Variants in CCSER1 observed in about 807,000 individuals in gnomAD.
The protein encoded by CCSER1 is coiled-coil serine rich protein 1, also known as serine-rich coiled-coil domain-containing protein 1.
A neutral mutation model predicts 82.0 loss-of-function variants in CCSER1; 41 were observed. That is an observed-to-expected ratio of 0.50 (90% CI 0.39 to 0.65). The LOEUF (loss-of-function observed/expected upper bound fraction) is 0.65. CCSER1 is among the 30% of genes least tolerant of loss of function. CCSER1 has a pLI of 0.00. For missense variants in CCSER1, 1,119 were observed against 1,064.2 expected (o/e 1.05, Z -0.72); for synonymous variants, 414 against 383.9 (o/e 1.08, Z -0.92).
chr4:91,086,121 T>C, intron 10 of CCSER1, 127 bp downstream of exon 10: 1 of 645,074 alleles, frequency 1.6e-6, no homozygotes, highest in Non-Finnish European at 2.8e-6. Flanking sequence ...GAAGAGAATG[T>C]TGTCTGCATA....
intron 8 of CCSER1, among the ~76,000 whole-genome samples, chr4:90,899,305 G>A (rs927972229): frequency 2.6e-5 from 4 of 151,962 alleles, no homozygotes; most frequent in African/African-American, 9.7e-5. Context: ...ATTAATTTAT[G>A]TCCTGCAACT....
chr4:90,579,531 C>T (rs1438064108), intron 5 of CCSER1, among the ~76,000 whole-genome samples: 1 of 152,118 alleles, frequency 6.6e-6, no homozygotes, highest in Non-Finnish European at 1.5e-5. Flanking sequence ...ACATATTAAT[C>T]CACTTCATGT....
At chr4:91,426,471 C>A (rs562631641) in intron 10 of CCSER1, among the ~76,000 whole-genome samples, 2 of 151,734 alleles carry the variant, frequency 1.3e-5, no homozygotes, top group East Asian at 3.9e-4. Context: ...ACACTGTCTT[C>A]CACAATGGTT....
intron 1 of CCSER1, among the ~76,000 whole-genome samples, chr4:90,142,954 C>T: frequency 6.6e-6 from 1 of 152,060 alleles, no homozygotes; most frequent in Non-Finnish European, 1.5e-5. Context: ...ACATATATTG[C>T]AATAGCAGGA....
At chr4:90,842,362 T>A (rs74776722) in intron 8 of CCSER1, among the ~76,000 whole-genome samples, 1,924 of 152,336 alleles carry the variant, frequency 0.013, 32 homozygotes, top group African/African-American at 0.044. Flanking sequence ...TATGGCTATC[T>A]GTTGCTGTTG....
intron 10 of CCSER1, among the ~76,000 whole-genome samples, chr4:91,509,721 T>G (rs1759718457): frequency 6.6e-6 from 1 of 152,162 alleles, no homozygotes; most frequent in East Asian, 1.9e-4. Context: ...AGTTTTTTTG[T>G]CTAATATTAA....
chr4:90,640,094 G>A (rs945973384), intron 6 of CCSER1, among the ~76,000 whole-genome samples: 1 of 152,094 alleles, frequency 6.6e-6, no homozygotes, highest in African/African-American at 2.4e-5. Context: ...AAAGTAAGTA[G>A]GATAAGAAAA....
In CCSER1 at chr4:91,163,173, C is replaced by T. The variant is rs56727328; in HGVS notation, c.2217+77179C>T. Among the ~76,000 whole-genome samples the T allele has an allele frequency of 3.3e-3, 500 of 152,262 alleles. 2 individuals are homozygous for T. The highest frequency in any genetic ancestry group is 0.012 in the African/African-American group (480 of 41,540). On this transcript the variant is annotated intron_variant, in intron 10 of 10. Coordinates refer to ENST00000509176, the MANE Select transcript of CCSER1 (RefSeq NM_001145065.2). ...TTTCAAAGAACATCTTTATTTCTGC[C>T]TTCATTTATTATTTAACCAATAGTC...
Position 90,312,889 on chromosome 4 carries a change from C to T in CCSER1, c.1351C>T (p.Arg451Cys), listed in dbSNP as rs773041636. The T allele has an allele frequency of 4.8e-5, 75 of 1,574,054 alleles. No individual in the cohort carries two copies. Among genetic ancestry groups the T allele is most frequent in the Non-Finnish European group, 5.9e-5 (68 of 1,158,202 alleles). ...KVLASSLSPF[R>C]EGRFIERRLR... ...TCTTGCCAGTAGTCTCAGTCCATTT[C>T]GTGAAGGAAGATTTATAGAGAGGAG... Residue 451 changes from arginine to cysteine, a missense_variant, in exon 3 of 11, where the codon CGT becomes TGT. Coordinates refer to ENST00000509176, the MANE Select transcript of CCSER1 (RefSeq NM_001145065.2).
intron 9 of CCSER1, among the ~76,000 whole-genome samples, chr4:90,947,340 G>C (rs10000079): frequency 0.3 from 45,494 of 151,890 alleles, 7,573 homozygotes; most frequent in East Asian, 0.4. Flanking sequence ...ATTCCATCAT[G>C]TTTTTCAGAA....
chr4:91,385,273 G>A lies in CCSER1; in HGVS notation c.2218-213299G>A, dbSNP rs114562010. 4.0e-3 allele frequency among the ~76,000 whole-genome samples: 606 copies of A among 151,876 alleles called. 1 individual carries two copies. The highest frequency in any genetic ancestry group is 0.017 in the Middle Eastern group (5 of 294). ...AGGAAGATATTTATGAAAGGTATGG[G>A]GTGATTTTTCAAAAGATGATAAGTG... On this transcript the variant is annotated intron_variant, in intron 10 of 10. Coordinates refer to ENST00000509176, the MANE Select transcript of CCSER1 (RefSeq NM_001145065.2).
chr4:90,663,955 C>T, intron 6 of CCSER1: 1 of 229,618 alleles, frequency 4.4e-6, no homozygotes, highest in Non-Finnish European at 9.6e-6. Context: ...CTGTTTGCTA[C>T]TACCATTTAA....
intron 3 of CCSER1, among the ~76,000 whole-genome samples, chr4:90,320,996 A>G (rs1737054583): frequency 6.6e-6 from 1 of 152,142 alleles, no homozygotes; most frequent in Non-Finnish European, 1.5e-5. Flanking sequence ...TGCAATTTAT[A>G]TTAATACTAA....
At chr4:91,160,160 G>A (rs769071069) in intron 10 of CCSER1, among the ~76,000 whole-genome samples, 4 of 151,582 alleles carry the variant, frequency 2.6e-5, no homozygotes, top group Non-Finnish European at 4.4e-5. Context: ...GTTTTCTGTC[G>A]TTGTGACAGT....
At chr4:90,232,106 G>T (rs79718701) in intron 1 of CCSER1, among the ~76,000 whole-genome samples, 92,162 of 151,986 alleles carry the variant, frequency 0.61, 29,187 homozygotes, top group East Asian at 0.83. Flanking sequence ...TTTCTTCACA[G>T]AATTGGAAAA....
chr4:90,168,191 A>G (rs910456255), intron 1 of CCSER1, among the ~76,000 whole-genome samples: 11 of 152,146 alleles, frequency 7.2e-5, no homozygotes, highest in African/African-American at 2.7e-4. Flanking sequence ...ATGATATCTC[A>G]TTGTGGTTTT....
At chr4:91,533,416 G>GA (rs925087630) in intron 10 of CCSER1, among the ~76,000 whole-genome samples, 1 of 152,108 alleles carries the variant, frequency 6.6e-6, no homozygotes, top group African/African-American at 2.4e-5. Context: ...CCAACCTCCT[G>GA]AAAAATGTTG....
chr4:91,216,228 C>G (rs1737227069), intron 10 of CCSER1, among the ~76,000 whole-genome samples: 1 of 152,198 alleles, frequency 6.6e-6, no homozygotes, highest in Non-Finnish European at 1.5e-5. Context: ...TGGGAGCTGG[C>G]TCTCTTGTCA....
chr4:90,796,835 G>T (rs1157950124), intron 7 of CCSER1, among the ~76,000 whole-genome samples: 1 of 152,132 alleles, frequency 6.6e-6, no homozygotes, highest in African/African-American at 2.4e-5. Context: ...TGATTGTACT[G>T]TGGTTCAAGA....
Sources: gnomAD v4.1 joint callset for allele counts (sites outside exome capture counted in the v4.1 genomes callset) on GRCh38, gnomAD v4.1.1 for gene constraint, MANE v1.5 for transcripts, NCBI Gene and HGNC (gene_info 2026-07-23, HGNC 2026-07-21) for gene names.